EYS: variants seen among roughly 807,000 people sequenced by gnomAD.
EYS encodes the protein EGF-like photoreceptor maintenance factor.
In EYS, 250 loss-of-function variants were observed where a neutral mutation model predicts 282.1. The observed-to-expected ratio is 0.89, with a 90% CI of 0.80 to 0.98. The LOEUF (loss-of-function observed/expected upper bound fraction) is 0.98, where lower values mean the gene tolerates loss of function less well. EYS is among the 50% of genes least tolerant of loss of function. EYS has a pLI of 0.00. For missense variants in EYS, 4,016 were observed against 3,709.0 expected (o/e 1.08, Z -2.15); for synonymous variants, 1,355 against 1,282.9 (o/e 1.06, Z -1.20).
intron 19 of EYS, among the ~76,000 whole-genome samples, chr6:64,871,369 C>T (rs1001419961): frequency 6.6e-6 from 1 of 151,384 alleles, no homozygotes; most frequent in Non-Finnish European, 1.5e-5. Context: ...TGGAAAGTAC[C>T]TGTAGATCTA....
chr6:64,952,273 G>T (rs1041102247), intron 14 of EYS, among the ~76,000 whole-genome samples: 1 of 151,924 alleles, frequency 6.6e-6, no homozygotes, highest in African/African-American at 2.4e-5. Context: ...AGAACTTACT[G>T]CAATGTTTAA....
At chr6:64,977,243 C>T (rs1201766763) in intron 14 of EYS, among the ~76,000 whole-genome samples, 2 of 151,872 alleles carry the variant, frequency 1.3e-5, no homozygotes, top group African/African-American at 4.8e-5. Context: ...CTCTGTGATA[C>T]ATTTTGTTAA....
At chr6:64,394,619 C>T (rs1367639446) in intron 28 of EYS, among the ~76,000 whole-genome samples, 2 of 150,930 alleles carry the variant, frequency 1.3e-5, no homozygotes, top group Non-Finnish European at 3.0e-5. Context: ...ACACCTTATA[C>T]AAAAATCAAT....
rs867607505 is a variant in EYS at position 63,757,382 on chromosome 6, C to A, written c.8071+5079G>T. On this transcript the variant is annotated intron_variant, in intron 41 of 42. Transcript: ENST00000503581. ...GTCTGACTGGTTCTCTGCTCTGAAA[C>A]CCTGTTTTCTGTTGTTTAAGATGTT... is the stretch of plus-strand genomic sequence containing the variant. Among the ~76,000 whole-genome samples the A allele has an allele frequency of 2.6e-5, 4 of 152,068 alleles. No individual in the cohort carries two copies. In the East Asian group the frequency reaches 5.8e-4, roughly 22 times the overall value.
chr6:64,683,967 G>C (rs1433205750), intron 22 of EYS, among the ~76,000 whole-genome samples: 1 of 152,154 alleles, frequency 6.6e-6, no homozygotes, highest in Non-Finnish European at 1.5e-5. Flanking sequence ...GTCTGTAAAC[G>C]AAGGCAGGCT....
rs139155939 is a variant in EYS at position 65,402,922 on chromosome 6, T to C, written c.1057-317A>G. Among the ~76,000 whole-genome samples, 105 of 152,218 alleles carry C rather than the reference T, an allele frequency of 6.9e-4. No individual in the cohort carries two copies. In the Middle Eastern group the frequency reaches 0.01, roughly 15 times the overall value. On this transcript the variant is annotated intron_variant, in intron 6 of 42. Transcript: ENST00000503581. ...CCATATAGATTCTATCTAATTATCT[T>C]AGAATGCTTGCTCTTTGAACCCAGC...
At chr6:65,679,375 T>C (rs1024192780) in intron 1 of EYS, among the ~76,000 whole-genome samples, 2 of 151,884 alleles carry the variant, frequency 1.3e-5, no homozygotes, top group Non-Finnish European at 2.9e-5. Flanking sequence ...AAGAAGGAAG[T>C]CCTGTCATCT....
chr6:65,107,239 T>C (rs1178444501), intron 12 of EYS, among the ~76,000 whole-genome samples: 2 of 151,768 alleles, frequency 1.3e-5, no homozygotes, highest in African/African-American at 4.8e-5. Flanking sequence ...TACATTTCCT[T>C]GGGAGTCAGA....
chr6:64,755,343 C>A (rs1388189099), intron 22 of EYS, among the ~76,000 whole-genome samples: 1 of 151,934 alleles, frequency 6.6e-6, no homozygotes, highest in Non-Finnish European at 1.5e-5. Flanking sequence ...TTGGAAGAAA[C>A]CCCAAAGCAA....
chr6:65,354,424 T>C (rs1764400713), intron 8 of EYS, among the ~76,000 whole-genome samples: 1 of 152,114 alleles, frequency 6.6e-6, no homozygotes, highest in African/African-American at 2.4e-5. Context: ...AAGTAAGCAT[T>C]GTTCTGTTTC....
At chr6:63,967,240 T>C (rs1036046134) in intron 35 of EYS, among the ~76,000 whole-genome samples, 2 of 152,182 alleles carry the variant, frequency 1.3e-5, no homozygotes, top group Admixed American at 1.3e-4. Context: ...CAGCAGAGAC[T>C]TCATCATGTT....
chr6:65,092,494 A>G lies in EYS; in HGVS notation c.2024-34767T>C, dbSNP rs146766060. Among the ~76,000 whole-genome samples, 1,138 of 152,296 alleles carry G rather than the reference A, an allele frequency of 7.5e-3. 23 individuals carry two copies. Among genetic ancestry groups the G allele is most frequent in the African/African-American group, 0.026 (1,093 of 41,574 alleles). ...GCAAATGCAAAAAGTCATGCAACAC[A>G]CTATTTTAATAATATAACAATCATC... On this transcript the variant is annotated intron_variant, in intron 12 of 42. Coordinates refer to ENST00000503581, the MANE Select transcript of EYS (RefSeq NM_001142800.2).
At position 64,750,477 on chromosome 6, in the gene EYS, A is replaced by AT. The variant is rs909878825; in HGVS notation, c.3443+62900dup. ...TTACAGAGAAGCTAAATGGTAAATA[A>AT]TTTTTTTTTACTATAATATGTCATC... On this transcript the variant is annotated intron_variant, in intron 22 of 42. Transcript: ENST00000503581. 1.5e-4 allele frequency among the ~76,000 whole-genome samples: 23 copies of AT among 151,590 alleles called. 1 individual carries two copies. In the East Asian group the frequency reaches 3.3e-3, roughly 22 times the overall value.
Position 65,621,513 on chromosome 6 carries a change from C to T in EYS, c.-333+18265G>A, listed in dbSNP as rs901884250. Among the ~76,000 whole-genome samples, 7 of 149,938 alleles carry T rather than the reference C, an allele frequency of 4.7e-5. No homozygotes were observed. In the South Asian group the frequency reaches 1.3e-3, roughly 28 times the overall value. ...GGGTCTTGACTCTTTATCCAATTTG[C>T]CAGTCTGTGTCTTTTAATTGGACCA... On this transcript the variant is annotated intron_variant, in intron 2 of 42. Transcript: ENST00000503581.
At chr6:64,483,633 T>G (rs1305610284) in intron 26 of EYS, among the ~76,000 whole-genome samples, 1 of 151,630 alleles carries the variant, frequency 6.6e-6, no homozygotes, top group Admixed American at 6.6e-5. Flanking sequence ...GCTCTGTTTC[T>G]GAATAGGGAA....
chr6:63,773,351 G>C (rs563004465), intron 40 of EYS, among the ~76,000 whole-genome samples: 14 of 152,272 alleles, frequency 9.2e-5, no homozygotes, highest in African/African-American at 3.4e-4. Flanking sequence ...TGAGAGAAAA[G>C]CAAAGGGAGG....
At chr6:63,731,260 C>T (rs1200196042) in intron 41 of EYS, among the ~76,000 whole-genome samples, 1 of 151,976 alleles carries the variant, frequency 6.6e-6, no homozygotes, top group East Asian at 1.9e-4. Flanking sequence ...CATAATGATT[C>T]CATTTTATTT....
At chr6:64,901,294 G>GTATATATATA (rs70999177) in intron 18 of EYS, among the ~76,000 whole-genome samples, 50,308 of 126,556 alleles carry the variant, frequency 0.4, 10,383 homozygotes, top group Admixed American at 0.44. Context: ...ATGTAGTTGA[G>GTATATATATA]TATATATATA....
At chr6:65,057,763 A>C in intron 12 of EYS, 36 bp from the exon 13 acceptor site, 1 of 1,326,548 alleles carries the variant, frequency 7.5e-7, no homozygotes. Flanking sequence ...TTAAGTGTTA[A>C]CAAGACAGGC....
Sources: allele counts gnomAD v4.1 joint callset (sites outside exome capture counted in the v4.1 genomes callset), GRCh38; gene constraint gnomAD v4.1.1; transcripts MANE v1.5; gene names NCBI Gene and HGNC (gene_info 2026-07-23, HGNC 2026-07-21).